Variants in ALPK2 observed in about 807,000 individuals in gnomAD.
The protein encoded by ALPK2 is alpha-protein kinase 2.
A neutral mutation model predicts 163.1 loss-of-function variants in ALPK2; 127 were observed. The observed-to-expected ratio is 0.78, with a 90% confidence interval of 0.67 to 0.90. The LOEUF is 0.90. Ranked by LOEUF, ALPK2 falls within the 40% of genes least tolerant of loss-of-function variation. The pLI is 0.00. For missense variants in ALPK2, 2,360 were observed against 2,589.6 expected, an observed-to-expected ratio of 0.91 and a Z score of 1.92; for synonymous variants, 953 against 959.1, an observed-to-expected ratio of 0.99 and a Z score of 0.12.
In ALPK2 at chr18:58,536,781, C is replaced by T. The variant is rs150392603; in HGVS notation, c.3406G>A (p.Gly1136Arg). 9.9e-6 allele frequency: 16 copies of T among 1,614,086 alleles called. No individual in the cohort carries two copies. In the African/African-American group the frequency reaches 1.9e-4, roughly 19 times the overall value. ...TGGGACAGGCTCTGCTGCTGGACCC[C>T]CTGCTTTGTTTCACTTCCTCTTTCT... ...FQERGSETKQGVQQQSLSQQG... is the reference protein window; with the variant it reads ...FQERGSETKQRVQQQSLSQQG... The change falls in exon 5 of 13, where the codon GGG (glycine) becomes AGG (arginine). Residue 1136 changes from glycine to arginine, a missense_variant. By Grantham distance (125) the Gly-to-Arg change is moderately radical. Coordinates refer to ENST00000361673, the MANE Select transcript of ALPK2 (RefSeq NM_052947.4).
intron 1 of ALPK2, among the ~76,000 whole-genome samples, chr18:58,617,426 A>G (rs1021035239): frequency 1.3e-5 from 2 of 152,188 alleles, no homozygotes; most frequent in African/African-American, 4.8e-5. Context: ...GCCTCAAGCG[A>G]TCTGCCCACC....
intron 6 of ALPK2, among the ~76,000 whole-genome samples, chr18:58,527,934 CAG>C (rs1450341676): frequency 1.3e-5 from 2 of 152,142 alleles, no homozygotes; most frequent in African/African-American, 2.4e-5. Context: ...TTTAATTAAA[CAG>C]AAAACTCAGA....
rs1285738418 is a variant in ALPK2 at position 58,517,168 on chromosome 18, C to G, written c.5680G>C (p.Glu1894Gln). The change falls in exon 9 of 13, where the codon GAA (glutamate) becomes CAA (glutamine). Residue 1894 changes from glutamate to glutamine, a missense_variant. Transcript: ENST00000361673. ...RQDTKGCEEIEFSQLIFKEDF... is the reference protein window; with the variant it reads ...RQDTKGCEEIQFSQLIFKEDF... ...TCTTTGAAGATGAGTTGGCTGAATT[C>G]AATCTCTTCACATCCTGAAACACAG... 2.5e-6 allele frequency: 4 copies of G among 1,614,008 alleles called. No individual in the cohort carries two copies. The highest frequency in any genetic ancestry group is 1.3e-5 in the African/African-American group (1 of 75,054).
intron 4 of ALPK2, among the ~76,000 whole-genome samples, chr18:58,576,755 T>C (rs2051923910): frequency 6.6e-6 from 1 of 152,188 alleles, no homozygotes; most frequent in South Asian, 2.1e-4. Flanking sequence ...CCTGCTTTAC[T>C]CAAAGGAAAA....
Position 58,580,263 on chromosome 18 carries a change from T to C in ALPK2, c.513A>G (p.Ser171=). Reference sequence around the variant, plus strand: ...GATTGCCCAATGACTGGAGGGAGAGTGAATGGTTGGATTTGGAGGGGGAGG... The same window carrying C: ...GATTGCCCAATGACTGGAGGGAGAGCGAATGGTTGGATTTGGAGGGGGAGG... The part of the protein sequence containing the change: ...ADSSPSKSNH[S]LSLQSLGNLD... The change falls in exon 4 of 13, where the codon TCA becomes TCG. Residue 171 remains serine, a synonymous_variant. Transcript: ENST00000361673. 1 of 1,613,124 alleles carries C rather than the reference T, an allele frequency of 6.2e-7. No homozygotes were observed. The highest frequency in any genetic ancestry group is 8.5e-7 in the Non-Finnish European group (1 of 1,179,808).
intron 3 of ALPK2, among the ~76,000 whole-genome samples, chr18:58,591,402 T>C (rs2052014296): frequency 6.6e-6 from 1 of 152,204 alleles, no homozygotes; most frequent in African/African-American, 2.4e-5. Context: ...AGATGTGAAA[T>C]TCCTAGGCTC....
In ALPK2 at chr18:58,481,714, G is replaced by T; in HGVS notation, c.*109C>A. On this transcript the variant is annotated 3_prime_UTR_variant, in exon 13 of 13. Transcript: ENST00000361673. ...TGGCGCACAGTCGGCTGGGAGTAAG[G>T]ATTGCCACGCACTCTCTGCAGGCTG... 3.5e-6 allele frequency: 3 copies of T among 856,182 alleles called. No homozygotes were observed. Among genetic ancestry groups the T allele is most frequent in the Non-Finnish European group, 5.7e-6 (3 of 530,744 alleles). The allele number at this position is 856,182 out of a possible 1,614,324, so 53.0% of individuals were successfully genotyped here.
At chr18:58,534,587 T>C (rs951275642) in intron 5 of ALPK2, among the ~76,000 whole-genome samples, 1 of 152,212 alleles carries the variant, frequency 6.6e-6, no homozygotes, top group Non-Finnish European at 1.5e-5. Flanking sequence ...GTTCTCCCGA[T>C]AGATCACCTG....
In ALPK2 at chr18:58,517,068, T is replaced by C. The variant is rs143318124; in HGVS notation, c.5780A>G (p.Glu1927Gly). The C allele has an allele frequency of 9.9e-5, 160 of 1,614,104 alleles. No individual in the cohort carries two copies. Among genetic ancestry groups the C allele is most frequent in the Non-Finnish European group, 1.3e-4 (154 of 1,180,050 alleles). Residue 1927 changes from glutamate (E) to glycine (G), a missense_variant, in exon 9 of 13, where the codon GAA becomes GGA. Transcript: ENST00000361673. ...QIATEELHFG[E>G]GVHRKAFRST... Reference sequence around the variant, plus strand: ...GCGGAAGGCTTTGCGGTGAACCCCTTCTCCAAAGTGCAGCTCCTCCGTGGC... The same window carrying C: ...GCGGAAGGCTTTGCGGTGAACCCCTCCTCCAAAGTGCAGCTCCTCCGTGGC...
chr18:58,607,199 G>T, intron 3 of ALPK2, 123 bp downstream of exon 3: 1 of 598,210 alleles, frequency 1.7e-6, no homozygotes, highest in Non-Finnish European at 2.8e-6. Context: ...CCTGCCAATG[G>T]CATCTAAAAT....
In ALPK2 at chr18:58,536,438, G is replaced by A. The variant is rs577556265; in HGVS notation, c.3749C>T (p.Pro1250Leu). The A allele has an allele frequency of 1.7e-4, 278 of 1,614,130 alleles. 5 individuals are homozygous for A. The South Asian group carries it at 2.9e-3, about 17-fold the overall frequency. Residue 1250 changes from proline to leucine, a missense_variant, in exon 5 of 13, where the codon CCA becomes CTA. Pro to Leu is a moderately conservative substitution (Grantham distance 98). Transcript: ENST00000361673. ...TLEASASEIW[P>L]PRQLTNSESK... ...CTCAGAATTTGTCAGTTGTCGTGGTGGCCAGATTTCAGAAGCGGAAGCCTC... is the reference window on the plus strand; with the variant it reads ...CTCAGAATTTGTCAGTTGTCGTGGTAGCCAGATTTCAGAAGCGGAAGCCTC...
chr18:58,557,731 G>A (rs2051802283), intron 4 of ALPK2, among the ~76,000 whole-genome samples: 1 of 149,158 alleles, frequency 6.7e-6, no homozygotes, highest in Non-Finnish European at 1.5e-5. Flanking sequence ...TGTATTTATA[G>A]TTTGTCATTG....
intron 12 of ALPK2, among the ~76,000 whole-genome samples, 159 bp from the exon 13 acceptor site, chr18:58,482,198 A>G (rs1173152575): frequency 1.3e-5 from 2 of 152,242 alleles, no homozygotes; most frequent in African/African-American, 4.8e-5. Context: ...CTATAAGTGA[A>G]GGTAAAAAAC....
At chr18:58,501,253 G>A (rs1047832635) in intron 11 of ALPK2, among the ~76,000 whole-genome samples, 13 of 152,198 alleles carry the variant, frequency 8.5e-5, no homozygotes, top group African/African-American at 2.4e-4. Flanking sequence ...AACTGTGCAT[G>A]AAGCCCTGGG....
chr18:58,601,992 C>T (rs970395437), intron 3 of ALPK2, among the ~76,000 whole-genome samples: 3 of 152,078 alleles, frequency 2.0e-5, no homozygotes, highest in Non-Finnish European at 4.4e-5. Flanking sequence ...GCAGTAGCAC[C>T]CCACCCCCTC....
chr18:58,537,073 C>T lies in ALPK2; in HGVS notation c.3114G>A (p.Glu1038=). The change falls in exon 5 of 13, where the codon GAG becomes GAA. Residue 1038 remains glutamate (E), a synonymous_variant. Transcript: ENST00000361673. ...PEDKHAGGTE[E]RFPRASHEKV... is the part of the protein sequence containing the mutation. ...TTTCATGGGATGCACGAGGGAACCT[C>T]TCCTCAGTGCCACCTGCATGCTTGT... 6.2e-7 allele frequency: 1 copy of T among 1,614,202 alleles called. No homozygotes were observed.
intron 4 of ALPK2, among the ~76,000 whole-genome samples, chr18:58,548,495 AT>A (rs1360391398): frequency 1.3e-5 from 2 of 151,878 alleles, no homozygotes; most frequent in Non-Finnish European, 2.9e-5. Context: ...TAATTTTTGT[AT>A]TTTTAGTAGA....
chr18:58,600,490 G>C (rs560335219), intron 3 of ALPK2: 121 of 152,346 alleles, frequency 7.9e-4, no homozygotes, highest in African/African-American at 2.7e-3. Context: ...CCAGGGCACA[G>C]GTGACAAGCA....
rs760038879 is a variant in ALPK2, at chr18:58,580,169, A to G, written c.607T>C (p.Tyr203His). Residue 203 changes from tyrosine to histidine, a missense_variant, in exon 4 of 13, where the codon TAT becomes CAT. Physicochemically the swap from Tyr to His is moderately conservative, Grantham distance 83. Coordinates refer to ENST00000361673, the MANE Select transcript of ALPK2 (RefSeq NM_052947.4). The part of the protein sequence containing the change: ...VKGTRHTGEA[Y>H]DPSNTEEIAN... ...ATTTCTTCTGTGTTACTTGGATCATAAGCCTCTCCAGTGTGCCTTGTTCCT... is the reference window on the plus strand; with the variant it reads ...ATTTCTTCTGTGTTACTTGGATCATGAGCCTCTCCAGTGTGCCTTGTTCCT... 6.2e-6 allele frequency: 10 copies of G among 1,614,222 alleles called. No individual in the cohort carries two copies. The Admixed American group carries it at 1.7e-4, about 27-fold the overall frequency.
Sources: gnomAD v4.1 joint callset for allele counts (sites outside exome capture counted in the v4.1 genomes callset) on GRCh38, gnomAD v4.1.1 for gene constraint, MANE v1.5 for transcripts, NCBI Gene and HGNC (gene_info 2026-07-23, HGNC 2026-07-21) for gene names.